The following SFXN5 variants were observed in gnomAD, a reference collection of about 807,000 sequenced individuals.
SFXN5 encodes sideroflexin 5, also known as sideroflexin-5.
Under a neutral mutation model 50.2 loss-of-function variants are expected in SFXN5, and 43 were observed. The observed-to-expected ratio is 0.86, with a 90% CI of 0.67 to 1.11. The LOEUF is 1.11. Ranked by LOEUF, SFXN5 falls within the 50% of genes least tolerant of loss-of-function variation. The probability of loss-of-function intolerance (pLI) is 0.00; values close to 1 mark genes in which losing one functional copy is unlikely to be tolerated. For missense variants in SFXN5, 463 were observed against 454.1 expected (o/e 1.02, Z -0.18); for synonymous variants, 203 against 185.8 (o/e 1.09, Z -0.75).
chr2:72,976,084 C>T (rs1670585979), intron 10 of SFXN5, among the ~76,000 whole-genome samples: 1 of 152,124 alleles, frequency 6.6e-6, no homozygotes, highest in African/African-American at 2.4e-5. Context: ...GTATGTAAAA[C>T]CCTGTAATTG....
intron 8 of SFXN5, 114 bp downstream of exon 8, chr2:73,000,317 G>C: frequency 2.1e-6 from 2 of 971,924 alleles, no homozygotes; most frequent in Non-Finnish European, 3.1e-6. Context: ...ATCTAGAGGA[G>C]GGCCATGCTT....
At chr2:73,054,551 C>T (rs192319785) in intron 2 of SFXN5, among the ~76,000 whole-genome samples, 5 of 152,132 alleles carry the variant, frequency 3.3e-5, no homozygotes, top group East Asian at 3.9e-4. Flanking sequence ...GAAAAGGGAG[C>T]GGGGACCCTC....
At chr2:73,010,215 G>A (rs1205049153) in intron 6 of SFXN5, among the ~76,000 whole-genome samples, 1 of 152,188 alleles carries the variant, frequency 6.6e-6, no homozygotes, top group Non-Finnish European at 1.5e-5. Context: ...AATTCTAAAT[G>A]AAATGTATAT....
At chr2:73,027,334 G>T (rs1252364644) in intron 3 of SFXN5, among the ~76,000 whole-genome samples, 1 of 152,186 alleles carries the variant, frequency 6.6e-6, no homozygotes, top group Non-Finnish European at 1.5e-5. Context: ...ATAGGAAAGA[G>T]CTTATAGACA....
At chr2:73,064,510 T>C (rs1399133956) in intron 1 of SFXN5, among the ~76,000 whole-genome samples, 3 of 152,236 alleles carry the variant, frequency 2.0e-5, no homozygotes, top group Admixed American at 2.0e-4. Context: ...CTATAGGAAG[T>C]AAATGATTAA....
At chr2:73,052,341 T>A (rs9711746) in intron 2 of SFXN5, among the ~76,000 whole-genome samples, 6,684 of 133,472 alleles carry the variant, frequency 0.05, 360 homozygotes, top group Admixed American at 0.17. Context: ...AGAGAGAGAG[T>A]GTGTGTGTGT....
At chr2:73,008,067 G>T (rs1674952849) in intron 6 of SFXN5, among the ~76,000 whole-genome samples, 1 of 152,136 alleles carries the variant, frequency 6.6e-6, no homozygotes, top group Admixed American at 6.5e-5. Context: ...AGGCGGCTTG[G>T]GAGATGTCAG....
At position 72,955,506 on chromosome 2, in the gene SFXN5, G is replaced by C; in HGVS notation, c.945+5625C>G. ...AGAGCCCGAGAGGAATCAAGGAAGG[G>C]AGAAAGAGGCACAAAGAAAGATTGA... On this transcript the variant is annotated intron_variant, in intron 13 of 13. Transcript: ENST00000272433. 1.3e-5 allele frequency among the ~76,000 whole-genome samples: 2 copies of C among 152,258 alleles called. 1 individual carries two copies. The highest frequency in any genetic ancestry group is 2.9e-5 in the Non-Finnish European group (2 of 68,048).
intron 6 of SFXN5, among the ~76,000 whole-genome samples, chr2:73,004,727 G>GCATGGCCT: frequency 6.6e-6 from 1 of 152,304 alleles, no homozygotes; most frequent in African/African-American, 2.4e-5. Flanking sequence ...TGAGGCTGAG[G>GCATGGCCT]CAGGGAAGCA....
rs764348821 is a variant in SFXN5 at position 73,071,666 on chromosome 2, T to A, written c.40A>T (p.Ser14Cys). The A allele has an allele frequency of 1.6e-5, 25 of 1,612,690 alleles. No individual in the cohort carries two copies. Among genetic ancestry groups the A allele is most frequent in the Non-Finnish European group, 2.1e-5 (25 of 1,179,784 alleles). The change falls in exon 1 of 14, where the codon AGT (serine) becomes TGT (cysteine). Residue 14 changes from serine to cysteine, a missense_variant. By Grantham distance (112) the Ser-to-Cys change is moderately radical. Coordinates refer to ENST00000272433, the MANE Select transcript of SFXN5 (RefSeq NM_144579.3). ...GCATCGCTCGAGGCGCTAGCGGCAC[T>A]AGCCGCCGCCGCCGATGCTGTAGTC... ...TATTASAAAA[S>C]AASASSDAPP... is the part of the protein sequence containing the mutation.
chr2:72,994,661 T>G (rs929822761), intron 9 of SFXN5, among the ~76,000 whole-genome samples: 1 of 151,880 alleles, frequency 6.6e-6, no homozygotes. Context: ...TTCAGGCCCC[T>G]TGTCCATGAG....
rs1673651046 is a variant in SFXN5, at chr2:72,960,923, TG to T, written c.945+207del. Among the ~76,000 whole-genome samples the T allele has an allele frequency of 6.6e-6, 1 of 152,338 alleles. No individual in the cohort carries two copies. Among genetic ancestry groups the T allele is most frequent in the Admixed American group, 6.5e-5 (1 of 15,306 alleles). On this transcript the variant is annotated intron_variant, in intron 13 of 13. Coordinates refer to ENST00000272433, the MANE Select transcript of SFXN5 (RefSeq NM_144579.3). The surrounding 1 kb of genome is among the most constrained non-coding windows in gnomAD (Gnocchi z 6.1). Reference sequence around the variant, plus strand: ...GGAGCTTCTCCCACCCTAACGCTCCTGGCTCCTCATCTGCTGGCCTCTGTTT... The same window carrying T: ...GGAGCTTCTCCCACCCTAACGCTCCTGCTCCTCATCTGCTGGCCTCTGTTT...
intron 4 of SFXN5, 58 bp downstream of exon 4, chr2:73,023,130 G>A: frequency 3.2e-6 from 5 of 1,556,234 alleles, no homozygotes; most frequent in Admixed American, 1.8e-5. Context: ...CTGGGACAGG[G>A]CAGGGTGGAG....
At chr2:73,000,562 C>A in intron 7 of SFXN5, 75 bp from the exon 8 acceptor site, 1 of 1,379,884 alleles carries the variant, frequency 7.2e-7, no homozygotes, top group Non-Finnish European at 1.0e-6. Context: ...CCCCAGGAGG[C>A]CACACATCCC....
chr2:72,946,727 G>A (rs985061676), intron 13 of SFXN5, among the ~76,000 whole-genome samples: 7 of 152,100 alleles, frequency 4.6e-5, no homozygotes, highest in South Asian at 2.1e-4. Flanking sequence ...GCCTCTTTGC[G>A]TCCTCTCCCC....
At chr2:73,071,554 C>T (rs370686808) in intron 1 of SFXN5, 50 bp downstream of exon 1, 10 of 1,558,170 alleles carry the variant, frequency 6.4e-6, no homozygotes, top group Admixed American at 1.8e-5. Context: ...GGAGTTTGCT[C>T]GTCCTCTCTT....
chr2:72,974,048 C>A (rs1195281501), intron 10 of SFXN5, among the ~76,000 whole-genome samples: 1 of 152,186 alleles, frequency 6.6e-6, no homozygotes, highest in African/African-American at 2.4e-5. Context: ...GGGACTTGAG[C>A]CATTGCCACC....
At chr2:72,964,828 G>C (rs972047577) in intron 12 of SFXN5, among the ~76,000 whole-genome samples, 2 of 152,196 alleles carry the variant, frequency 1.3e-5, no homozygotes, top group Non-Finnish European at 2.9e-5. Flanking sequence ...CTCCTTTGGA[G>C]CCTGAGATGT....
chr2:73,052,733 C>T (rs966470802), intron 2 of SFXN5, among the ~76,000 whole-genome samples: 5 of 152,160 alleles, frequency 3.3e-5, no homozygotes, highest in Non-Finnish European at 7.4e-5. Context: ...GTTGTACAGC[C>T]TTGTCTTTAG....
Sources: allele counts gnomAD v4.1 joint callset (sites outside exome capture counted in the v4.1 genomes callset), GRCh38; gene constraint gnomAD v4.1.1; non-coding constraint Gnocchi (gnomAD v3.1); transcripts MANE v1.5; gene names NCBI Gene and HGNC (gene_info 2026-07-23, HGNC 2026-07-21).